TAF11: variants seen among roughly 807,000 people sequenced by gnomAD.
The protein encoded by TAF11 is TATA-box binding protein associated factor 11, also known as transcription initiation factor TFIID subunit 11.
In TAF11, 10 loss-of-function variants were observed where a neutral mutation model predicts 23.0. The observed-to-expected ratio is 0.43, with a 90% CI of 0.27 to 0.74. The LOEUF is 0.74. TAF11 is among the 30% of genes least tolerant of loss of function. The pLI, the probability that TAF11 is intolerant of heterozygous loss-of-function variation, is 0.19. For synonymous variants in TAF11, 85 were observed against 95.8 expected, an observed-to-expected ratio of 0.89 and a Z score of 0.66; for missense variants, 196 against 261.7, an observed-to-expected ratio of 0.75 and a Z score of 1.73.
At chr6:34,885,390 TA>T (rs1196530954) in intron 1 of TAF11, among the ~76,000 whole-genome samples, 9 of 152,200 alleles carry the variant, frequency 5.9e-5, no homozygotes, top group African/African-American at 2.2e-4. Flanking sequence ...AAAGGCTATT[TA>T]AAAAATAGTT....
At position 34,878,341 on chromosome 6, in the gene TAF11, C is replaced by T. The variant is rs1766350040; in HGVS notation, c.*249G>A. ...AAGATGCTTATGGCCCACGTATCTT[C>T]TTCCAACTGGTCAAGACAGTTAAAT... is the stretch of plus-strand genomic sequence containing the variant. On this transcript the variant is annotated 3_prime_UTR_variant, in exon 5 of 5. Transcript: ENST00000361288. The T allele has an allele frequency of 4.4e-6, 2 of 450,908 alleles. No individual in the cohort carries two copies. Among genetic ancestry groups the T allele is most frequent in the Non-Finnish European group, 8.0e-6 (2 of 249,930 alleles). The allele number at this position is 450,908 out of a possible 1,614,324, so 27.9% of individuals were successfully genotyped here. A position where few individuals can be genotyped will look rare whatever the true frequency, so the allele number is the denominator to read the frequency against.
In TAF11 at chr6:34,880,156, C is replaced by G; in HGVS notation, c.409-93G>C. 1 of 1,529,834 alleles carries G rather than the reference C, an allele frequency of 6.5e-7. No homozygotes were observed. The highest frequency in any genetic ancestry group is 1.1e-5 in the South Asian group (1 of 87,730). 94.8% of individuals were successfully genotyped at this position (1,529,834 alleles called of 1,614,324 possible). A position where few individuals can be genotyped will look rare whatever the true frequency, so the allele number is the denominator to read the frequency against. ...TAATTCACAGAAAAAGGTAAGATAACTGAAGTGCATTTTTTTTCCCACCTA... is the reference window on the plus strand; with the variant it reads ...TAATTCACAGAAAAAGGTAAGATAAGTGAAGTGCATTTTTTTTCCCACCTA... On this transcript the variant is annotated intron_variant, in intron 3 of 4. Transcript: ENST00000361288. This position sits in a 1 kb window ranked among gnomAD's most constrained non-coding sequence, Gnocchi z 4.8.
At position 34,878,567 on chromosome 6, in the gene TAF11, C is replaced by T. The variant is rs368972844; in HGVS notation, c.*23G>A. The stretch of plus-strand genomic sequence containing the variant: ...GAACCAATACTTCTTCCGTCAGTAA[C>T]ATAGGCCTTTCTAGACTTTGGTCTA... On this transcript the variant is annotated 3_prime_UTR_variant, in exon 5 of 5. Transcript: ENST00000361288. The T allele has an allele frequency of 1.5e-6, 2 of 1,299,576 alleles. No individual in the cohort carries two copies. Among genetic ancestry groups the T allele is most frequent in the Non-Finnish European group, 2.2e-6 (2 of 893,608 alleles). The allele number at this position is 1,299,576 out of a possible 1,614,324, so 80.5% of individuals were successfully genotyped here.
In TAF11 at chr6:34,878,531, T is replaced by C. The variant is rs189611545; in HGVS notation, c.*59A>G. 3.6e-5 allele frequency: 33 copies of C among 921,316 alleles called. No homozygotes were observed. The highest frequency in any genetic ancestry group is 2.1e-4 in the Middle Eastern group (1 of 4,652). The allele number at this position is 921,316 out of a possible 1,614,324, so 57.1% of individuals were successfully genotyped here. A position where few individuals can be genotyped will look rare whatever the true frequency, so the allele number is the denominator to read the frequency against. ...TAAAGCACCAATGCAGACAGTCTTA[T>C]AGGAAGTCTGGAACCAATACTTCTT... On this transcript the variant is annotated 3_prime_UTR_variant, in exon 5 of 5. Transcript: ENST00000361288.
chr6:34,881,426 T>G (rs1766422137), intron 2 of TAF11, among the ~76,000 whole-genome samples: 1 of 152,232 alleles, frequency 6.6e-6, no homozygotes, highest in Non-Finnish European at 1.5e-5. Flanking sequence ...TTTTTCTATT[T>G]TTCTGTATTC....
intron 2 of TAF11, among the ~76,000 whole-genome samples, chr6:34,881,672 TGGTAA>T (rs1481744015): frequency 6.6e-6 from 1 of 152,106 alleles, no homozygotes; most frequent in African/African-American, 2.4e-5. Context: ...TATATCTCTG[TGGTAA>T]GGTAATTATT....
intron 1 of TAF11, among the ~76,000 whole-genome samples, chr6:34,885,012 T>C (rs947304554): frequency 6.6e-6 from 1 of 152,226 alleles, no homozygotes; most frequent in African/African-American, 2.4e-5. Context: ...AATTTTATCA[T>C]TTATGTTTTT....
At chr6:34,884,225 T>C (rs530964473) in intron 1 of TAF11, among the ~76,000 whole-genome samples, 3 of 152,244 alleles carry the variant, frequency 2.0e-5, no homozygotes, top group African/African-American at 7.2e-5. Flanking sequence ...CACCATGAAA[T>C]ACTATACAGC....
chr6:34,886,280 C>T (rs1037546951), intron 1 of TAF11, among the ~76,000 whole-genome samples: 3 of 151,778 alleles, frequency 2.0e-5, no homozygotes, highest in Admixed American at 1.3e-4. Context: ...CAGAGTGAGA[C>T]CTTGTCTCAA....
rs367863055 is a variant in TAF11, at chr6:34,880,086, C to T, written c.409-23G>A. 344 of 1,605,794 alleles carry T rather than the reference C, an allele frequency of 2.1e-4. No homozygotes were observed. Among genetic ancestry groups the T allele is most frequent in the Non-Finnish European group, 2.7e-4 (322 of 1,172,920 alleles). On this transcript the variant is annotated intron_variant, in intron 3 of 4. Transcript: ENST00000361288. The surrounding 1 kb of genome is among the most constrained non-coding windows in gnomAD (Gnocchi z 4.8). ...CAGCTTGAAAGAAGCACAAAGACTC[C>T]GTGATCACAATAGTCAAAGACTGGC...
chr6:34,882,397 A>G (rs937947242), intron 2 of TAF11, among the ~76,000 whole-genome samples: 2 of 151,802 alleles, frequency 1.3e-5, no homozygotes, highest in Non-Finnish European at 2.9e-5. Flanking sequence ...TAATCCTAGC[A>G]CTTTGGGAGG....
chr6:34,886,608 G>A (rs969962687), intron 1 of TAF11, among the ~76,000 whole-genome samples: 1 of 151,824 alleles, frequency 6.6e-6, no homozygotes, highest in Non-Finnish European at 1.5e-5. Context: ...CGGGATTACA[G>A]GCGCCCGCCA....
intron 2 of TAF11, 143 bp downstream of exon 2, chr6:34,882,789 G>T: frequency 9.7e-7 from 1 of 1,029,302 alleles, no homozygotes; most frequent in South Asian, 2.1e-5. Flanking sequence ...ACAGGCGTGA[G>T]CCACCATGCC....
At chr6:34,886,556 C>T (rs1264074245) in intron 1 of TAF11, among the ~76,000 whole-genome samples, 4 of 151,740 alleles carry the variant, frequency 2.6e-5, no homozygotes, top group African/African-American at 9.7e-5. Context: ...ATCTCCGCCT[C>T]CCAGGTTCAA....
In TAF11 at chr6:34,878,152, T is replaced by C; in HGVS notation, c.*438A>G. On this transcript the variant is annotated 3_prime_UTR_variant, in exon 5 of 5. Transcript: ENST00000361288. ...CTGTAGTCCTAGCTACTCAGGAGAC[T>C]GAGGTGGGAGGGTCACTTAAGCCCA... 6.3e-6 allele frequency: 1 copy of C among 157,670 alleles called. No individual in the cohort carries two copies. The highest frequency in any genetic ancestry group is 6.2e-5 in the Admixed American group (1 of 16,108). The allele number at this position is 157,670 out of a possible 1,614,324, so 9.8% of individuals were successfully genotyped here.
Position 34,880,278 on chromosome 6 carries a change from TC to T in TAF11, c.408+10del. 1 of 1,613,888 alleles carries T rather than the reference TC, an allele frequency of 6.2e-7. No homozygotes were observed. Among genetic ancestry groups the T allele is most frequent in the Non-Finnish European group, 8.5e-7 (1 of 1,179,794 alleles). On this transcript the variant is annotated intron_variant, in intron 3 of 4. Transcript: ENST00000361288. The surrounding 1 kb of genome is among the most constrained non-coding windows in gnomAD (Gnocchi z 4.8). Reference sequence around the variant, plus strand: ...ACGTGATGGAGATGAAGTGTGGTGGTCCATCCTTACCCTTTTGATGGCTGCC... The same window carrying T: ...ACGTGATGGAGATGAAGTGTGGTGGTCATCCTTACCCTTTTGATGGCTGCC...
At chr6:34,882,872 A>G in intron 2 of TAF11, 60 bp downstream of exon 2, 1 of 1,506,180 alleles carries the variant, frequency 6.6e-7, no homozygotes, top group Non-Finnish European at 8.8e-7. Flanking sequence ...AGAAAAATTT[A>G]TTAAATTTGT....
chr6:34,881,604 GA>G lies in TAF11; in HGVS notation c.321-1229del, dbSNP rs538232441. Among the ~76,000 whole-genome samples, 887 of 150,910 alleles carry G rather than the reference GA, an allele frequency of 5.9e-3. 8 individuals carry two copies. Among genetic ancestry groups the G allele is most frequent in the African/African-American group, 0.02 (808 of 41,178 alleles). On this transcript the variant is annotated intron_variant, in intron 2 of 4. Transcript: ENST00000361288. ...TACAAAACAGTATTTGACATTTGTG[GA>G]AAAAAAAATTTATAGATATATATGT... is the stretch of plus-strand genomic sequence containing the variant.
chr6:34,880,445 A>ATT lies in TAF11; in HGVS notation c.321-70_321-69insAA. On this transcript the variant is annotated intron_variant, in intron 2 of 4. Coordinates refer to ENST00000361288, the MANE Select transcript of TAF11 (RefSeq NM_005643.4). This position sits in a 1 kb window ranked among gnomAD's most constrained non-coding sequence, Gnocchi z 4.8. Reference sequence around the variant, plus strand: ...TACTCAAGATATTATGAAGTCAATAAAAGTTTCAGACAATTCAAAAACGAA... The same window carrying ATT: ...TACTCAAGATATTATGAAGTCAATAATTAAGTTTCAGACAATTCAAAAACGAA... 1 of 1,485,158 alleles carries ATT rather than the reference A, an allele frequency of 6.7e-7. No homozygotes were observed. The allele number at this position is 1,485,158 out of a possible 1,614,324, so 92.0% of individuals were successfully genotyped here.
Sources: allele counts gnomAD v4.1 joint callset (sites outside exome capture counted in the v4.1 genomes callset), GRCh38; gene constraint gnomAD v4.1.1; non-coding constraint Gnocchi (gnomAD v3.1); transcripts MANE v1.5; gene names NCBI Gene and HGNC (gene_info 2026-07-23, HGNC 2026-07-21).